The following RSU1 variants were observed in gnomAD, a reference collection of about 807,000 sequenced individuals.
RSU1 encodes Ras suppressor protein 1, also known as rsu-1.
A neutral mutation model predicts 31.1 loss-of-function variants in RSU1; 26 were observed. The observed-to-expected ratio is 0.84, with a 90% CI of 0.61 to 1.16. RSU1 has a LOEUF of 1.16. Among genes scored for constraint, RSU1 ranks in the 50% most tolerant of loss-of-function variants. The probability of loss-of-function intolerance (pLI) is 0.00; values close to 1 mark genes in which losing one functional copy is unlikely to be tolerated. For missense variants in RSU1, 320 were observed against 339.1 expected (o/e 0.94, Z 0.44); for synonymous variants, 164 against 136.3 (o/e 1.20, Z -1.41).
chr10:16,613,798 T>TA (rs778805311), intron 8 of RSU1, among the ~76,000 whole-genome samples: 3,491 of 136,204 alleles, frequency 0.026, 68 homozygotes, highest in African/African-American at 0.063. Context: ...TACAGCTCTT[T>TA]AAAAAAAAAA....
intron 7 of RSU1, among the ~76,000 whole-genome samples, chr10:16,717,407 C>T (rs1836165723): frequency 6.6e-6 from 1 of 152,128 alleles, no homozygotes; most frequent in South Asian, 2.1e-4. Flanking sequence ...ATAAACCAAT[C>T]CAATAGTTTT....
At chr10:16,795,559 T>C (rs1838013504) in intron 2 of RSU1, among the ~76,000 whole-genome samples, 2 of 152,132 alleles carry the variant, frequency 1.3e-5, no homozygotes, top group Middle Eastern at 3.2e-3. Flanking sequence ...AGAGGTTATG[T>C]AACTTGTCTG....
At chr10:16,647,928 G>A (rs1588693521) in intron 8 of RSU1, among the ~76,000 whole-genome samples, 1 of 152,000 alleles carries the variant, frequency 6.6e-6, no homozygotes, top group Non-Finnish European at 1.5e-5. Flanking sequence ...TGGGATGACT[G>A]CTAAACTGTG....
intron 4 of RSU1, 116 bp downstream of exon 4, chr10:16,764,274 A>C: frequency 8.1e-7 from 1 of 1,240,392 alleles, no homozygotes; most frequent in South Asian, 2.5e-5. Context: ...AAACATAAAA[A>C]GAAATTAGAA....
intron 7 of RSU1, among the ~76,000 whole-genome samples, chr10:16,724,101 C>T (rs1836335846): frequency 6.6e-6 from 1 of 152,008 alleles, no homozygotes. Flanking sequence ...CCACCATGTC[C>T]AGCTAATTTT....
At chr10:16,732,992 C>T (rs1306240456) in intron 7 of RSU1, among the ~76,000 whole-genome samples, 1 of 152,034 alleles carries the variant, frequency 6.6e-6, no homozygotes, top group Non-Finnish European at 1.5e-5. Flanking sequence ...TAAGGTTCCT[C>T]ATCTGTAAAA....
At chr10:16,710,821 C>G (rs748203054) in intron 7 of RSU1, among the ~76,000 whole-genome samples, 21 of 152,082 alleles carry the variant, frequency 1.4e-4, no homozygotes, top group East Asian at 1.9e-4. Context: ...CCTCTTACCC[C>G]CTACCCGCCG....
In RSU1 at chr10:16,694,322, C is replaced by G. The variant is rs764545864; in HGVS notation, c.731+701G>C. 7.9e-5 allele frequency among the ~76,000 whole-genome samples: 12 copies of G among 152,104 alleles called. 1 individual carries two copies. The highest frequency in any genetic ancestry group is 1.2e-4 in the Non-Finnish European group (8 of 68,022). On this transcript the variant is annotated intron_variant, in intron 8 of 8. Transcript: ENST00000345264. ...TACAAGCTTCTCTATAATAGAATGA[C>G]GCATTGCTAGTACTCTCTACTGATT...
intron 8 of RSU1, among the ~76,000 whole-genome samples, chr10:16,595,139 A>T (rs1178005944): frequency 2.6e-5 from 4 of 151,846 alleles, no homozygotes; most frequent in African/African-American, 9.7e-5. Context: ...CTGGTGTTAC[A>T]CTCCTGGCCC....
intron 8 of RSU1, among the ~76,000 whole-genome samples, chr10:16,683,695 G>C (rs1835380389): frequency 6.6e-6 from 1 of 152,214 alleles, no homozygotes; most frequent in African/African-American, 2.4e-5. Context: ...CCACGGTCGT[G>C]ACACAGCCCC....
At chr10:16,716,660 C>G (rs1005131905) in intron 7 of RSU1, among the ~76,000 whole-genome samples, 61 of 152,038 alleles carry the variant, frequency 4.0e-4, no homozygotes, top group African/African-American at 1.3e-3. Context: ...GATCTATAAC[C>G]ACGTATACAA....
rs1835644421 is a variant in RSU1 at position 16,695,037 on chromosome 10, A to G, written c.717T>C (p.Ser239=). The G allele has an allele frequency of 6.2e-7, 1 of 1,613,312 alleles. No individual in the cohort carries two copies. The highest frequency in any genetic ancestry group is 8.5e-7 in the Non-Finnish European group (1 of 1,179,570). ...GVSHVFEYIR[S]ETYKYLYGRH... is the part of the protein sequence containing the mutation. ...AGTCTACTTACTATTTGTATGTCTCAGAACGGATATACTCAAAAACATGGG... is the reference window on the plus strand; with the variant it reads ...AGTCTACTTACTATTTGTATGTCTCGGAACGGATATACTCAAAAACATGGG... The change falls in exon 8 of 9, where the codon TCT becomes TCC. Residue 239 remains serine (S), a synonymous_variant. Transcript: ENST00000345264.
chr10:16,811,613 T>C (rs1047557033), intron 2 of RSU1, among the ~76,000 whole-genome samples: 7 of 152,160 alleles, frequency 4.6e-5, no homozygotes, highest in African/African-American at 1.7e-4. Context: ...CCATTACCGA[T>C]TCAGTCATGC....
At chr10:16,814,572 A>C (rs1241397076) in intron 2 of RSU1, among the ~76,000 whole-genome samples, 1 of 152,080 alleles carries the variant, frequency 6.6e-6, no homozygotes, top group Admixed American at 6.6e-5. Context: ...CTGAGAAGTG[A>C]GCCCTGGTGG....
chr10:16,619,904 T>C (rs983132493), intron 8 of RSU1, among the ~76,000 whole-genome samples: 1 of 152,202 alleles, frequency 6.6e-6, no homozygotes, highest in Non-Finnish European at 1.5e-5. Flanking sequence ...TATATTTCTT[T>C]CAAGTTTTCA....
intron 8 of RSU1, among the ~76,000 whole-genome samples, chr10:16,620,844 CA>C (rs11354712): frequency 0.36 from 46,535 of 130,644 alleles, 11,637 homozygotes; most frequent in African/African-American, 0.73. Context: ...GACTCCATCT[CA>C]AAAAAAAAAA....
intron 8 of RSU1, among the ~76,000 whole-genome samples, chr10:16,664,159 T>C (rs1447707732): frequency 6.6e-6 from 1 of 152,192 alleles, no homozygotes; most frequent in African/African-American, 2.4e-5. Context: ...CATGACTCTA[T>C]TTTATAAGGA....
At chr10:16,731,643 A>C (rs892981564) in intron 7 of RSU1, among the ~76,000 whole-genome samples, 3 of 152,206 alleles carry the variant, frequency 2.0e-5, no homozygotes, top group Non-Finnish European at 4.4e-5. Context: ...CTATTGCACC[A>C]AACCTTTACT....
chr10:16,686,606 A>C (rs750811042), intron 8 of RSU1, among the ~76,000 whole-genome samples: 8 of 152,168 alleles, frequency 5.3e-5, no homozygotes, highest in Non-Finnish European at 1.0e-4. Context: ...TTTACCTTAA[A>C]TTGATACTGT....
Sources: gnomAD v4.1 joint callset for allele counts (sites outside exome capture counted in the v4.1 genomes callset) on GRCh38, gnomAD v4.1.1 for gene constraint, MANE v1.5 for transcripts, NCBI Gene and HGNC (gene_info 2026-07-23, HGNC 2026-07-21) for gene names.